The following NRG1 variants were observed in gnomAD, a reference collection of about 807,000 sequenced individuals.
NRG1 encodes the protein pro-neuregulin-1, membrane-bound isoform.
NRG1 carries 18 observed loss-of-function variants against 63.8 expected under a neutral mutation model. The ratio of observed to expected loss-of-function variants is 0.28; its 90% confidence interval spans 0.19 to 0.42. The LOEUF is 0.42. Among genes scored for constraint, NRG1 ranks in the 10% least tolerant of loss-of-function variants. The pLI is 1.00. For missense variants in NRG1, 762 were observed against 814.7 expected (o/e 0.94, Z 0.79); for synonymous variants, 302 against 301.3 (o/e 1.00, Z -0.02).
intron 1 of NRG1, among the ~76,000 whole-genome samples, chr8:32,106,859 T>C (rs1282778858): frequency 6.6e-6 from 1 of 152,190 alleles, no homozygotes; most frequent in East Asian, 1.9e-4. Flanking sequence ...TCTCTGTAAA[T>C]ATGATTTTAA....
At chr8:32,145,871 G>T (rs1169628453) in intron 1 of NRG1, among the ~76,000 whole-genome samples, 2 of 152,144 alleles carry the variant, frequency 1.3e-5, no homozygotes, top group African/African-American at 4.8e-5. Flanking sequence ...GTAACCACTG[G>T]TCCTTTGGGT....
chr8:31,658,750 G>A (rs758393770), intron 1 of NRG1, among the ~76,000 whole-genome samples: 1 of 152,094 alleles, frequency 6.6e-6, no homozygotes, highest in African/African-American at 2.4e-5. Flanking sequence ...GGTATGAGCC[G>A]CCACACCTGG....
At chr8:31,926,258 C>G (rs1387792442) in intron 1 of NRG1, among the ~76,000 whole-genome samples, 1 of 151,954 alleles carries the variant, frequency 6.6e-6, no homozygotes, top group Non-Finnish European at 1.5e-5. Context: ...TTTATAGGTC[C>G]CAAACTCCAG....
intron 1 of NRG1, among the ~76,000 whole-genome samples, chr8:32,284,434 G>C (rs932895375): frequency 1.5e-4 from 23 of 151,718 alleles, no homozygotes; most frequent in Non-Finnish European, 3.4e-4. Context: ...CCTGAACAAA[G>C]TCTTCCTTGC....
intron 1 of NRG1, among the ~76,000 whole-genome samples, chr8:31,965,136 G>GTA (rs780848057): frequency 0.013 from 1,974 of 151,172 alleles, 16 homozygotes; most frequent in Middle Eastern, 0.055. Flanking sequence ...GTATTCCATG[G>GTA]CATATATATA....
intron 1 of NRG1, among the ~76,000 whole-genome samples, chr8:32,419,229 G>A (rs1324950079): frequency 6.6e-6 from 1 of 152,196 alleles, no homozygotes; most frequent in Non-Finnish European, 1.5e-5. Flanking sequence ...ACAACTTTCT[G>A]TTCCAGCTCC....
chr8:32,231,992 C>A (rs796657040), intron 1 of NRG1, among the ~76,000 whole-genome samples: 1 of 152,068 alleles, frequency 6.6e-6, no homozygotes, highest in Non-Finnish European at 1.5e-5. Context: ...CAGCCTCAAC[C>A]TCCCAGGCTC....
intron 1 of NRG1, among the ~76,000 whole-genome samples, chr8:32,042,703 A>C (rs1211789890): frequency 6.6e-6 from 1 of 152,190 alleles, no homozygotes; most frequent in Non-Finnish European, 1.5e-5. Context: ...GAAATAAAAG[A>C]AATACAGACA....
rs143810655 is a variant in NRG1 at position 32,438,079 on chromosome 8, C to T, written c.38-157749C>T. On this transcript the variant is annotated intron_variant, in intron 1 of 10. Coordinates refer to the NRG1 transcript ENST00000519301. ...CCAATGGTGACATCTTGAAAACTAT[C>T]GCACAATAGCACAACTTTGATATTG... is the stretch of plus-strand genomic sequence containing the variant. Among the ~76,000 whole-genome samples the T allele has an allele frequency of 3.3e-3, 498 of 152,208 alleles. 4 individuals are homozygous for T. Among genetic ancestry groups the T allele is most frequent in the African/African-American group, 0.012 (480 of 41,542 alleles).
chr8:32,168,562 C>A (rs1265125052), intron 1 of NRG1, among the ~76,000 whole-genome samples: 2 of 152,148 alleles, frequency 1.3e-5, no homozygotes, highest in Non-Finnish European at 2.9e-5. Context: ...AAAGCCAAAT[C>A]CCAACTTTAG....
At chr8:32,075,651 CTTTTTTTTTT>C (rs200354474) in intron 1 of NRG1, among the ~76,000 whole-genome samples, 1 of 150,296 alleles carries the variant, frequency 6.7e-6, no homozygotes, top group African/African-American at 2.5e-5. Context: ...ATATTTTAAC[CTTTTTTTTTT>C]TTTTTTTTTT....
chr8:32,049,992 T>C lies in NRG1; in HGVS notation c.37+410561T>C, dbSNP rs1427264082. Among the ~76,000 whole-genome samples, 4 of 152,046 alleles carry C rather than the reference T, an allele frequency of 2.6e-5. No individual in the cohort carries two copies. The East Asian group carries it at 7.7e-4, about 29-fold the overall frequency. On this transcript the variant is annotated intron_variant, in intron 1 of 10. Transcript: ENST00000519301. Reference sequence around the variant, plus strand: ...TTCATCCTAGAGAGAATATCCTTCATAGAAATAGAGGAAGAAAAAGCTTGC... The same window carrying C: ...TTCATCCTAGAGAGAATATCCTTCACAGAAATAGAGGAAGAAAAAGCTTGC...
At chr8:32,713,849 G>A (rs944592146) in intron 5 of NRG1, among the ~76,000 whole-genome samples, 4 of 148,694 alleles carry the variant, frequency 2.7e-5, no homozygotes, top group African/African-American at 9.9e-5. Flanking sequence ...TTTTGAGATG[G>A]AATCTCGCTC....
At chr8:32,685,064 A>G (rs754551501) in intron 5 of NRG1, among the ~76,000 whole-genome samples, 6 of 152,162 alleles carry the variant, frequency 3.9e-5, no homozygotes, top group Non-Finnish European at 8.8e-5. Flanking sequence ...CAAGCAAGAT[A>G]TTGACCTTGA....
At chr8:32,647,341 TG>T in intron 5 of NRG1, 1 of 985,402 alleles carries the variant, frequency 1.0e-6, no homozygotes, top group Non-Finnish European at 1.2e-6. Context: ...CAGCTTCAGA[TG>T]CTCGAGGTGA....
At chr8:32,287,804 T>C (rs1022999643) in intron 1 of NRG1, among the ~76,000 whole-genome samples, 12 of 152,238 alleles carry the variant, frequency 7.9e-5, no homozygotes, top group African/African-American at 2.7e-4. Context: ...ACATTCCTTT[T>C]ATGTGTTGCT....
chr8:32,542,817 G>T (rs1157842765), intron 1 of NRG1, among the ~76,000 whole-genome samples: 1 of 152,202 alleles, frequency 6.6e-6, no homozygotes, highest in Non-Finnish European at 1.5e-5. Context: ...AGATAATTGG[G>T]TGAAGCAATA....
At chr8:32,109,946 G>A (rs1342796473) in intron 1 of NRG1, among the ~76,000 whole-genome samples, 1 of 152,088 alleles carries the variant, frequency 6.6e-6, no homozygotes, top group Admixed American at 6.6e-5. Flanking sequence ...TCTAGTTATG[G>A]CACTTTAGGC....
At chr8:32,639,475 A>G (rs1216029197) in intron 5 of NRG1, among the ~76,000 whole-genome samples, 2 of 152,166 alleles carry the variant, frequency 1.3e-5, no homozygotes, top group Non-Finnish European at 2.9e-5. Context: ...ACTTCAGGTA[A>G]TCCCTTTCCT....
Sources: gnomAD v4.1 joint callset for allele counts (sites outside exome capture counted in the v4.1 genomes callset) on GRCh38, gnomAD v4.1.1 for gene constraint, MANE v1.5 for transcripts, NCBI Gene and HGNC (gene_info 2026-07-23, HGNC 2026-07-21) for gene names.